Variants in CERS3 observed in about 807,000 individuals in gnomAD.
CERS3 encodes the protein LAG1 homolog, ceramide synthase 3.
In CERS3, 33 loss-of-function variants were observed where a neutral mutation model predicts 50.3. The observed-to-expected ratio is 0.66, with a 90% CI of 0.50 to 0.88. The LOEUF (loss-of-function observed/expected upper bound fraction) is 0.88. CERS3 is among the 40% of genes least tolerant of loss of function. CERS3 has a pLI of 0.00. For missense variants in CERS3, 470 were observed against 460.3 expected, an observed-to-expected ratio of 1.02 and a Z score of -0.19; for synonymous variants, 176 against 155.2, an observed-to-expected ratio of 1.13 and a Z score of -0.99.
chr15:100,478,383 T>C (rs2035199698), intron 7 of CERS3, among the ~76,000 whole-genome samples: 1 of 152,158 alleles, frequency 6.6e-6, no homozygotes, highest in South Asian at 2.1e-4. Flanking sequence ...ACAAGTTCCA[T>C]GAATGCTGGT....
chr15:100,405,217 T>C (rs868147051), intron 11 of CERS3, among the ~76,000 whole-genome samples: 3 of 121,314 alleles, frequency 2.5e-5, no homozygotes, highest in Non-Finnish European at 5.1e-5. Flanking sequence ...AATAAAGAAC[T>C]CTCAAAACTC....
intron 11 of CERS3, among the ~76,000 whole-genome samples, chr15:100,441,982 G>A (rs756412437): frequency 7.2e-5 from 11 of 151,936 alleles, no homozygotes; most frequent in East Asian, 1.9e-4. Context: ...CTCAGCCTCC[G>A]CTCCTCCACC....
chr15:100,429,879 A>G (rs192728272), intron 11 of CERS3, among the ~76,000 whole-genome samples: 15 of 152,314 alleles, frequency 9.8e-5, no homozygotes, highest in Admixed American at 7.2e-4. Flanking sequence ...AAAGGTGAGC[A>G]CAATAAATTT....
At chr15:100,509,621 T>C (rs548600833) in intron 2 of CERS3, among the ~76,000 whole-genome samples, 2 of 151,942 alleles carry the variant, frequency 1.3e-5, no homozygotes, top group African/African-American at 4.8e-5. Context: ...TCTCTGAACA[T>C]TATTATGGTT....
intron 2 of CERS3, among the ~76,000 whole-genome samples, chr15:100,516,066 C>G (rs1460442760): frequency 6.6e-6 from 1 of 152,154 alleles, no homozygotes; most frequent in Non-Finnish European, 1.5e-5. Context: ...TCACCTGGTT[C>G]TGTCTCAGTT....
chr15:100,508,873 C>A (rs1035466432), intron 2 of CERS3, among the ~76,000 whole-genome samples: 1 of 152,066 alleles, frequency 6.6e-6, no homozygotes, highest in Non-Finnish European at 1.5e-5. Context: ...CTAAGTTCTG[C>A]AATTTTTACT....
At chr15:100,434,553 C>A (rs572475767) in intron 11 of CERS3, among the ~76,000 whole-genome samples, 12 of 152,298 alleles carry the variant, frequency 7.9e-5, no homozygotes, top group Non-Finnish European at 1.3e-4. Context: ...TTGTGTCACA[C>A]AAAACTCTCT....
chr15:100,416,328 G>A (rs1271749852), intron 11 of CERS3, among the ~76,000 whole-genome samples: 1 of 152,094 alleles, frequency 6.6e-6, no homozygotes, highest in East Asian at 1.9e-4. Context: ...AAATAAGGGG[G>A]CACACTCACA....
chr15:100,417,076 G>A (rs1034449276), intron 11 of CERS3, among the ~76,000 whole-genome samples: 2 of 152,168 alleles, frequency 1.3e-5, no homozygotes, highest in African/African-American at 4.8e-5. Context: ...AATAGTGGAG[G>A]AGCCAAGATG....
chr15:100,514,219 T>C (rs543246037), intron 2 of CERS3, among the ~76,000 whole-genome samples: 1 of 152,350 alleles, frequency 6.6e-6, no homozygotes, highest in African/African-American at 2.4e-5. Context: ...ATTTCATGTC[T>C]GTTAAATGAT....
chr15:100,487,106 T>C (rs2035509269), intron 4 of CERS3, among the ~76,000 whole-genome samples: 1 of 152,228 alleles, frequency 6.6e-6, no homozygotes, highest in Non-Finnish European at 1.5e-5. Flanking sequence ...AAGTGTTTTC[T>C]TGAATTAATG....
At chr15:100,507,732 G>C (rs1250420069) in intron 2 of CERS3, among the ~76,000 whole-genome samples, 3 of 152,236 alleles carry the variant, frequency 2.0e-5, no homozygotes, top group Non-Finnish European at 2.9e-5. Flanking sequence ...GCTGGCATTG[G>C]CCTGACCTTA....
chr15:100,412,730 G>A (rs780139771), intron 11 of CERS3, among the ~76,000 whole-genome samples: 7 of 152,156 alleles, frequency 4.6e-5, no homozygotes, highest in Non-Finnish European at 7.4e-5. Flanking sequence ...ACTAACCAGT[G>A]TAAAATAGAA....
intron 11 of CERS3, among the ~76,000 whole-genome samples, chr15:100,453,412 T>C (rs1010114109): frequency 1.3e-5 from 2 of 152,180 alleles, no homozygotes; most frequent in Non-Finnish European, 2.9e-5. Flanking sequence ...TATGATCATC[T>C]CAATAGACGC....
intron 10 of CERS3, among the ~76,000 whole-genome samples, chr15:100,467,874 G>GATATAGATATAGATATAGAT (rs1555528343): frequency 2.2e-4 from 10 of 46,010 alleles, no homozygotes; most frequent in African/African-American, 5.2e-4. Context: ...TAGATAGATA[G>GATATAGATATAGATATAGAT]ATAGATATAG....
chr15:100,501,733 T>C lies in CERS3; in HGVS notation c.117A>G (p.Leu39=), dbSNP rs138998383. The C allele has an allele frequency of 2.5e-5, 40 of 1,613,904 alleles. No homozygotes were observed. Among genetic ancestry groups the C allele is most frequent in the Non-Finnish European group, 3.3e-5 (39 of 1,179,888 alleles). Residue 39 remains leucine (L), a synonymous_variant, in exon 3 of 12, where the codon TTA becomes TTG. Coordinates refer to ENST00000679737, the MANE Select transcript of CERS3 (RefSeq NM_001378789.1). ...DGLVFVKPSH[L]YVTIPYAFLL... is the part of the protein sequence containing the mutation. ...GAAAAGCATATGGAATTGTCACGTA[T>C]AAATGAGAAGGTTTTACAAAGACGA...
At chr15:100,456,589 A>G (rs894532296) in intron 10 of CERS3, among the ~76,000 whole-genome samples, 2 of 152,204 alleles carry the variant, frequency 1.3e-5, no homozygotes, top group African/African-American at 4.8e-5. Flanking sequence ...AGTTTCATAA[A>G]CAGGCTCCTG....
intron 11 of CERS3, among the ~76,000 whole-genome samples, chr15:100,436,835 G>C (rs746325509): frequency 6.6e-6 from 1 of 151,828 alleles, no homozygotes; most frequent in Non-Finnish European, 1.5e-5. Context: ...CTAAAATTAA[G>C]AGCTGAAAAG....
intron 11 of CERS3, among the ~76,000 whole-genome samples, chr15:100,421,572 G>A (rs2032429112): frequency 6.7e-6 from 1 of 148,826 alleles, no homozygotes; most frequent in South Asian, 2.1e-4. Context: ...TCACAGAATT[G>A]GAAAAAACTA....
Sources: gnomAD v4.1 joint callset for allele counts (sites outside exome capture counted in the v4.1 genomes callset) on GRCh38, gnomAD v4.1.1 for gene constraint, MANE v1.5 for transcripts, NCBI Gene and HGNC (gene_info 2026-07-23, HGNC 2026-07-21) for gene names.